The following STRBP variants were observed in gnomAD, a reference collection of about 807,000 sequenced individuals.
The protein encoded by STRBP is spermatid perinuclear RNA binding protein.
In STRBP, 13 loss-of-function variants were observed where a neutral mutation model predicts 80.1. The observed-to-expected ratio is 0.16, with a 90% CI of 0.11 to 0.26. STRBP has a LOEUF of 0.26. STRBP is among the 10% of genes least tolerant of loss of function. The pLI is 1.00. For missense variants in STRBP, 485 were observed against 815.2 expected, an observed-to-expected ratio of 0.59 and a Z score of 4.93; for synonymous variants, 284 against 291.2, an observed-to-expected ratio of 0.98 and a Z score of 0.25.
chr9:123,139,550 A>G lies in STRBP; in HGVS notation c.1476T>C (p.Thr492=). ...NSSNNTGNST[T]ETSSTLEVRT... ...ATACCTCTAAGGTACTGGAGGTTTC[A>G]GTTGTAGAATTTCCAGTATTATTGC... Residue 492 remains threonine, a synonymous_variant, in exon 14 of 19, where the codon ACT becomes ACC. Coordinates refer to ENST00000348403, the MANE Select transcript of STRBP (RefSeq NM_018387.5). 6.2e-7 allele frequency: 1 copy of G among 1,611,220 alleles called. No individual in the cohort carries two copies. Among genetic ancestry groups the G allele is most frequent in the South Asian group, 1.1e-5 (1 of 90,434 alleles).
chr9:123,123,253 T>C lies in STRBP; in HGVS notation c.*2344A>G. ...AGAGCAGAGAAGCAAAACTTCATGTTAATCTCAGGCAATTTGGTGAAGCCA... is the reference window on the plus strand; with the variant it reads ...AGAGCAGAGAAGCAAAACTTCATGTCAATCTCAGGCAATTTGGTGAAGCCA... On this transcript the variant is annotated 3_prime_UTR_variant, in exon 19 of 19. Transcript: ENST00000348403. The C allele has an allele frequency of 1.0e-6, 1 of 985,448 alleles. No homozygotes were observed. Among genetic ancestry groups the C allele is most frequent in the Non-Finnish European group, 1.2e-6 (1 of 829,922 alleles). 61.0% of individuals were successfully genotyped at this position (985,448 alleles called of 1,614,324 possible).
intron 9 of STRBP, 108 bp from the exon 10 acceptor site, chr9:123,158,537 A>T (rs971204062): frequency 1.8e-5 from 17 of 934,706 alleles, no homozygotes; most frequent in Non-Finnish European, 2.6e-5. Flanking sequence ...TGAAAAAAAA[A>T]ACTGAGGAAC....
intron 16 of STRBP, among the ~76,000 whole-genome samples, chr9:123,134,776 A>C (rs1055051094): frequency 7.2e-5 from 11 of 152,206 alleles, no homozygotes; most frequent in African/African-American, 2.7e-4. Flanking sequence ...CTGACCAAAC[A>C]TAAGATGTAA....
intron 3 of STRBP, chr9:123,113,330 C>G (rs1303538517): frequency 6.0e-6 from 1 of 167,296 alleles, no homozygotes; most frequent in Non-Finnish European, 1.5e-5. Context: ...ACCTCATGCG[C>G]CTGTGTGACT....
At chr9:123,116,341 AC>A (rs2035644644) in intron 2 of STRBP, among the ~76,000 whole-genome samples, 1 of 152,050 alleles carries the variant, frequency 6.6e-6, no homozygotes, top group Non-Finnish European at 1.5e-5. Flanking sequence ...CCTCCTTCCC[AC>A]CCCTGAGGAG....
intron 1 of STRBP, among the ~76,000 whole-genome samples, chr9:123,265,515 A>C (rs1274138894): frequency 2.0e-5 from 3 of 152,238 alleles, no homozygotes; most frequent in Admixed American, 6.5e-5. Context: ...GACAAGACTT[A>C]ATTTTCAACT....
intron 6 of STRBP, chr9:123,168,252 T>A (rs2037852831): frequency 2.0e-6 from 2 of 982,724 alleles, no homozygotes; most frequent in African/African-American, 3.5e-5. Context: ...AATGGTGAAC[T>A]GTAAAGCTGT....
At chr9:123,188,374 C>T (rs889750038) in intron 2 of STRBP, among the ~76,000 whole-genome samples, 20 of 152,138 alleles carry the variant, frequency 1.3e-4, no homozygotes, top group African/African-American at 4.8e-4. Context: ...GGTGCGGTGG[C>T]TCACGTCTGT....
intron 1 of STRBP, among the ~76,000 whole-genome samples, chr9:123,250,918 G>A (rs1034134619): frequency 2.6e-5 from 4 of 152,096 alleles, no homozygotes; most frequent in Non-Finnish European, 5.9e-5. Context: ...AAGAGTTCAA[G>A]ACCAGGGTGA....
At chr9:123,152,898 T>G (rs75423266) in intron 11 of STRBP, among the ~76,000 whole-genome samples, 2,353 of 152,322 alleles carry the variant, frequency 0.015, 34 homozygotes, top group Non-Finnish European at 0.028. Context: ...TTCCTGGTTT[T>G]GATATTGTAC....
intron 2 of STRBP, among the ~76,000 whole-genome samples, chr9:123,232,320 G>C (rs1214299820): frequency 6.6e-6 from 1 of 151,958 alleles, no homozygotes; most frequent in African/African-American, 2.4e-5. Context: ...CAAGAAAAAA[G>C]AAACAAAAAA....
intron 16 of STRBP, 64 bp downstream of exon 16, chr9:123,135,977 A>G: frequency 6.3e-7 from 1 of 1,590,242 alleles, no homozygotes; most frequent in East Asian, 2.2e-5. Flanking sequence ...CATGGACAGG[A>G]AAGAAAATTT....
chr9:123,155,440 G>A (rs956426809), intron 11 of STRBP, among the ~76,000 whole-genome samples: 1 of 152,150 alleles, frequency 6.6e-6, no homozygotes, highest in Non-Finnish European at 1.5e-5. Context: ...TAGAGAGATG[G>A]ATTTCAACCA....
chr9:123,235,046 G>A (rs575677978), intron 2 of STRBP, among the ~76,000 whole-genome samples: 3 of 151,054 alleles, frequency 2.0e-5, no homozygotes, highest in African/African-American at 7.3e-5. Context: ...GTGAACACCG[G>A]AAACACATTA....
rs2035884492 is a variant in STRBP, at chr9:123,126,125, CTA to C, written c.1943-454_1943-453del. Among the ~76,000 whole-genome samples the C allele has an allele frequency of 6.6e-6, 1 of 152,218 alleles. No individual in the cohort carries two copies. On this transcript the variant is annotated intron_variant, in intron 18 of 18. Transcript: ENST00000348403. The surrounding 1 kb of genome is among the most constrained non-coding windows in gnomAD (Gnocchi z 4.4). Reference sequence around the variant, plus strand: ...AGGCGTTTACTTAACTTCTTAATGGCTATGGCCAATATTGGCATGGCAAATCT... The same window carrying C: ...AGGCGTTTACTTAACTTCTTAATGGCTGGCCAATATTGGCATGGCAAATCT...
chr9:123,120,741 T>C (rs1363623799), downstream of STRBP, among the ~76,000 whole-genome samples: 1 of 152,206 alleles, frequency 6.6e-6, no homozygotes, highest in South Asian at 2.1e-4. Context: ...GTATTTGTTA[T>C]GAATTCATTT....
Position 123,150,470 on chromosome 9 carries a change from G to C in STRBP, c.1046-2600C>G, listed in dbSNP as rs143585102. On this transcript the variant is annotated intron_variant, in intron 11 of 18. Coordinates refer to ENST00000348403, the MANE Select transcript of STRBP (RefSeq NM_018387.5). The stretch of plus-strand genomic sequence containing the variant: ...TAGTCCCAGCTACTCAGAAGGCTGA[G>C]GCAGGAGGATTCATTGAGTCCAGGA... Among the ~76,000 whole-genome samples, 16 of 152,280 alleles carry C rather than the reference G, an allele frequency of 1.1e-4. No individual in the cohort carries two copies. The East Asian group carries it at 2.9e-3, about 28-fold the overall frequency.
At chr9:123,158,268 C>T in intron 10 of STRBP, 64 bp downstream of exon 10, 7 of 1,575,670 alleles carry the variant, frequency 4.4e-6, no homozygotes, top group South Asian at 1.1e-5. Flanking sequence ...TGTTTGAACA[C>T]AATTGAGAAA....
chr9:123,236,277 ATT>A (rs1213848427), intron 2 of STRBP, among the ~76,000 whole-genome samples: 1 of 152,228 alleles, frequency 6.6e-6, no homozygotes, highest in African/African-American at 2.4e-5. Context: ...AGAAAAAAAC[ATT>A]AAGTGCCCCA....
Sources: gnomAD v4.1 joint callset for allele counts (sites outside exome capture counted in the v4.1 genomes callset) on GRCh38, gnomAD v4.1.1 for gene constraint, Gnocchi (gnomAD v3.1) non-coding constraint, MANE v1.5 for transcripts, NCBI Gene and HGNC (gene_info 2026-07-23, HGNC 2026-07-21) for gene names.